CCDC18: variants seen among roughly 807,000 people sequenced by gnomAD.
The protein encoded by CCDC18 is coiled-coil domain-containing protein 18.
Under a neutral mutation model 196.0 loss-of-function variants are expected in CCDC18, and 157 were observed. That is an observed-to-expected ratio of 0.80 (90% CI 0.70 to 0.91). The LOEUF (loss-of-function observed/expected upper bound fraction) is 0.91, where lower values mean the gene tolerates loss of function less well. Among genes scored for constraint, CCDC18 ranks in the 40% least tolerant of loss-of-function variants. CCDC18 has a pLI of 0.00. For synonymous variants in CCDC18, 482 were observed against 529.2 expected (o/e 0.91, Z 1.22); for missense variants, 1,465 against 1,611.6 (o/e 0.91, Z 1.56).
chr1:93,235,505 G>A (rs1303331890), intron 18 of CCDC18, among the ~76,000 whole-genome samples: 6 of 152,198 alleles, frequency 3.9e-5, no homozygotes, highest in Non-Finnish European at 8.8e-5. Context: ...CTGGCTATGG[G>A]TTGAAGAATG....
At chr1:93,270,316 G>T in intron 27 of CCDC18, 31 bp from the exon 28 acceptor site, 1 of 1,274,796 alleles carries the variant, frequency 7.8e-7, no homozygotes, top group South Asian at 1.4e-5. Flanking sequence ...AAAATGTATT[G>T]AGCACCTACT....
At chr1:93,249,010 A>G (rs958084273) in intron 23 of CCDC18, among the ~76,000 whole-genome samples, 1 of 151,226 alleles carries the variant, frequency 6.6e-6, no homozygotes, top group African/African-American at 2.4e-5. Flanking sequence ...CCTCCTCTTC[A>G]ATTTTTTGAA....
At chr1:93,209,425 T>C (rs1174404177) in intron 9 of CCDC18, among the ~76,000 whole-genome samples, 3 of 152,242 alleles carry the variant, frequency 2.0e-5, no homozygotes, top group Non-Finnish European at 2.9e-5. Context: ...AAATATATTA[T>C]GGTTGGTTTC....
intron 23 of CCDC18, among the ~76,000 whole-genome samples, chr1:93,253,679 G>C (rs1387765991): frequency 6.6e-6 from 1 of 152,226 alleles, no homozygotes; most frequent in Non-Finnish European, 1.5e-5. Flanking sequence ...TCAGCAGGGA[G>C]AGAGCCTTTC....
chr1:93,272,839 A>G lies in CCDC18; in HGVS notation c.4353+2025A>G, dbSNP rs1171891365. Among the ~76,000 whole-genome samples the G allele has an allele frequency of 2.0e-5, 3 of 152,222 alleles. No homozygotes were observed. The East Asian group carries it at 5.8e-4, about 29-fold the overall frequency. On this transcript the variant is annotated intron_variant, in intron 28 of 28. Transcript: ENST00000690025. The stretch of plus-strand genomic sequence containing the variant: ...GAGAAAACAGCTGTTGGATATTGAT[A>G]GGAATGATCCAGTAGACAGGGAAAC...
intron 11 of CCDC18, among the ~76,000 whole-genome samples, chr1:93,213,646 A>G (rs985307594): frequency 6.6e-6 from 1 of 151,970 alleles, no homozygotes; most frequent in Non-Finnish European, 1.5e-5. Flanking sequence ...TTTATTTCCA[A>G]ATATTTGGAG....
chr1:93,228,587 AT>A (rs1465343968), intron 17 of CCDC18, among the ~76,000 whole-genome samples: 1 of 151,260 alleles, frequency 6.6e-6, no homozygotes, highest in Non-Finnish European at 1.5e-5. Context: ...TTTTTATAGC[AT>A]CTTTGACAGG....
upstream of CCDC18, chr1:93,180,491 G>C: frequency 1.3e-6 from 2 of 1,531,440 alleles, no homozygotes; most frequent in Non-Finnish European, 1.8e-6. Flanking sequence ...GGCCAGGCGT[G>C]AGCGCCGCCC....
intron 25 of CCDC18, among the ~76,000 whole-genome samples, chr1:93,256,960 G>T (rs1663040369): frequency 6.6e-6 from 1 of 151,994 alleles, no homozygotes. Context: ...TGGCACGGTG[G>T]CTCATACCTG....
intron 26 of CCDC18, among the ~76,000 whole-genome samples, chr1:93,259,997 T>TA (rs1219379024): frequency 2.6e-5 from 4 of 152,194 alleles, no homozygotes; most frequent in Non-Finnish European, 5.9e-5. Flanking sequence ...GCTATCTTTT[T>TA]AAAAAAGTGA....
In CCDC18 at chr1:93,205,585, TGTG is replaced by T; in HGVS notation, c.874_876del (p.Gly292del). 2 of 1,598,058 alleles carry T rather than the reference TGTG, an allele frequency of 1.3e-6. No individual in the cohort carries two copies. The highest frequency in any genetic ancestry group is 1.7e-6 in the Non-Finnish European group (2 of 1,169,304). On this transcript the variant is annotated inframe_deletion, in exon 8 of 29. Transcript: ENST00000690025. ...AGAAAATAAAAGGCTACAAGAAAGG[TGTG>T]GTCTATATAAAAGTGAACTTGAAAT...
At chr1:93,188,643 TC>T (rs781031501) in intron 4 of CCDC18, among the ~76,000 whole-genome samples, 2 of 152,172 alleles carry the variant, frequency 1.3e-5, no homozygotes, top group African/African-American at 4.8e-5. Context: ...ATCTCTTTTT[TC>T]CCCCCATTTG....
At chr1:93,259,415 A>AATAGC (rs1385398083) in intron 26 of CCDC18, among the ~76,000 whole-genome samples, 2 of 152,232 alleles carry the variant, frequency 1.3e-5, no homozygotes, top group Non-Finnish European at 2.9e-5. Context: ...TATTGACTAG[A>AATAGC]ATAGCATTTT....
chr1:93,245,139 T>C (rs1233536616), intron 21 of CCDC18, among the ~76,000 whole-genome samples: 3 of 152,194 alleles, frequency 2.0e-5, no homozygotes, highest in Non-Finnish European at 4.4e-5. Flanking sequence ...CCCTGGCATA[T>C]AGGAAACATC....
At chr1:93,249,523 TGTGGGAAAGGCA>T (rs1290378232) in intron 23 of CCDC18, among the ~76,000 whole-genome samples, 1 of 152,162 alleles carries the variant, frequency 6.6e-6, no homozygotes, top group Non-Finnish European at 1.5e-5. Flanking sequence ...GCTATTCCAG[TGTGGGAAAGGCA>T]GTTCAAGACC....
At chr1:93,212,953 G>A (rs554052101) in intron 11 of CCDC18, among the ~76,000 whole-genome samples, 10 of 152,044 alleles carry the variant, frequency 6.6e-5, no homozygotes, top group Non-Finnish European at 8.8e-5. Context: ...TTCCATCTGG[G>A]GGTCATGGCA....
upstream of CCDC18, chr1:93,180,355 T>G: frequency 7.3e-7 from 1 of 1,365,346 alleles, no homozygotes; most frequent in South Asian, 1.3e-5. Flanking sequence ...CTGAAGAAAC[T>G]CCAGGTGGCG....
chr1:93,212,817 C>G (rs756844926), intron 11 of CCDC18, among the ~76,000 whole-genome samples: 1 of 152,132 alleles, frequency 6.6e-6, no homozygotes, highest in Non-Finnish European at 1.5e-5. Context: ...CAGGATGATT[C>G]AAACGCATGA....
chr1:93,259,239 T>C (rs1663453136), intron 26 of CCDC18, among the ~76,000 whole-genome samples: 1 of 152,194 alleles, frequency 6.6e-6, no homozygotes, highest in Non-Finnish European at 1.5e-5. Context: ...TTGTAAAAGA[T>C]TAACTGGAAA....
Sources: allele counts gnomAD v4.1 joint callset (sites outside exome capture counted in the v4.1 genomes callset), GRCh38; gene constraint gnomAD v4.1.1; transcripts MANE v1.5; gene names NCBI Gene and HGNC (gene_info 2026-07-23, HGNC 2026-07-21).